Variants in IGF1R observed in about 807,000 individuals in gnomAD.
The protein encoded by IGF1R is insulin-like growth factor 1 receptor.
In IGF1R, 44 loss-of-function variants were observed where a neutral mutation model predicts 144.6. The observed-to-expected ratio is 0.30, with a 90% CI of 0.24 to 0.39. IGF1R has a LOEUF of 0.39. Among genes scored for constraint, IGF1R ranks in the 10% least tolerant of loss-of-function variants. The probability of loss-of-function intolerance (pLI) is 1.00; values close to 1 mark genes in which losing one functional copy is unlikely to be tolerated. For missense variants in IGF1R, 1,355 were observed against 1,833.7 expected, an observed-to-expected ratio of 0.74 and a Z score of 4.77; for synonymous variants, 795 against 722.8, an observed-to-expected ratio of 1.10 and a Z score of -1.60.
At position 98,960,376 on chromosome 15, in the gene IGF1R, C is replaced by T. The variant is rs958488467; in HGVS notation, c.*2934C>T. The T allele has an allele frequency of 5.6e-5, 13 of 232,872 alleles. No individual in the cohort carries two copies. Among genetic ancestry groups the T allele is most frequent in the African/African-American group, 4.4e-5 (2 of 45,116 alleles). 14.4% of individuals were successfully genotyped at this position (232,872 alleles called of 1,614,324 possible). The stretch of plus-strand genomic sequence containing the variant: ...TAGCCAGGTGGCCCTGTGAGGCCAA[C>T]GAGGGCACCAGAGCACACCTGGGGG... On this transcript the variant is annotated 3_prime_UTR_variant, in exon 21 of 21. Coordinates refer to ENST00000650285, the MANE Select transcript of IGF1R (RefSeq NM_000875.5).
chr15:98,789,131 A>G (rs2056072670), intron 2 of IGF1R, among the ~76,000 whole-genome samples: 1 of 152,190 alleles, frequency 6.6e-6, no homozygotes, highest in Non-Finnish European at 1.5e-5. Context: ...AAAGACAAAC[A>G]TACCTTAAAC....
At chr15:98,758,952 G>A (rs1162902608) in intron 2 of IGF1R, among the ~76,000 whole-genome samples, 1 of 152,226 alleles carries the variant, frequency 6.6e-6, no homozygotes, top group Admixed American at 6.5e-5. Context: ...TCTGAGAGTG[G>A]TGCTGCATCA....
intron 1 of IGF1R, among the ~76,000 whole-genome samples, chr15:98,655,237 C>G (rs189190754): frequency 6.6e-6 from 1 of 152,176 alleles, no homozygotes; most frequent in African/African-American, 2.4e-5. Flanking sequence ...CATACTTCCT[C>G]GGCATGATGT....
chr15:98,951,583 C>T (rs2016775768), intron 20 of IGF1R, among the ~76,000 whole-genome samples: 1 of 152,228 alleles, frequency 6.6e-6, no homozygotes, highest in South Asian at 2.1e-4. Context: ...GGCTTGGAGC[C>T]CTTCTCGCGG....
intron 2 of IGF1R, among the ~76,000 whole-genome samples, chr15:98,800,267 A>G (rs1364335236): frequency 6.6e-6 from 1 of 152,160 alleles, no homozygotes; most frequent in Non-Finnish European, 1.5e-5. Flanking sequence ...TGGATGAAGC[A>G]TGTTGGTTGT....
chr15:98,864,846 G>A lies in IGF1R; in HGVS notation c.641-26479G>A, dbSNP rs926905317. Among the ~76,000 whole-genome samples the A allele has an allele frequency of 2.1e-4, 32 of 152,062 alleles. 1 individual carries two copies. The highest frequency in any genetic ancestry group is 1.2e-3 in the Admixed American group (18 of 15,254). On this transcript the variant is annotated intron_variant, in intron 2 of 20. Transcript: ENST00000650285. ...TCTCATGCTTCTGTTTGATGAAACC[G>A]AATGGCTAAATTTTTTAAATATCAT...
intron 2 of IGF1R, among the ~76,000 whole-genome samples, chr15:98,852,189 C>T (rs1482071279): frequency 6.6e-6 from 1 of 152,234 alleles, no homozygotes; most frequent in African/African-American, 2.4e-5. Flanking sequence ...TGTGAAGCTG[C>T]AAGTCAGCAG....
chr15:98,697,917 T>C (rs1482934888), intron 1 of IGF1R, among the ~76,000 whole-genome samples: 1 of 151,836 alleles, frequency 6.6e-6, no homozygotes, highest in East Asian at 1.9e-4. Context: ...TTTGTATTGT[T>C]AGAGATGGGG....
At chr15:98,765,599 C>T (rs1596283185) in intron 2 of IGF1R, among the ~76,000 whole-genome samples, 1 of 152,084 alleles carries the variant, frequency 6.6e-6, no homozygotes, top group Non-Finnish European at 1.5e-5. Flanking sequence ...GCTGGGATTA[C>T]AGACATAAGC....
At chr15:98,795,353 TAAA>T (rs1264559915) in intron 2 of IGF1R, among the ~76,000 whole-genome samples, 2 of 152,242 alleles carry the variant, frequency 1.3e-5, no homozygotes, top group Non-Finnish European at 2.9e-5. Flanking sequence ...GTTAAAAACT[TAAA>T]AATACACAAA....
Position 98,661,180 on chromosome 15 carries a change from A to G in IGF1R, c.94+11505A>G, listed in dbSNP as rs1453083262. Among the ~76,000 whole-genome samples, 5 of 152,284 alleles carry G rather than the reference A, an allele frequency of 3.3e-5. No homozygotes were observed. In the East Asian group the frequency reaches 9.7e-4, roughly 29 times the overall value. ...TTTGCATTGTTTTCTTGGTGAGGCC[A>G]GTAAGCTTTTGCCTCACTCCTGGGA... On this transcript the variant is annotated intron_variant, in intron 1 of 20. Transcript: ENST00000650285.
At chr15:98,791,915 A>T (rs1015379492) in intron 2 of IGF1R, among the ~76,000 whole-genome samples, 2 of 152,228 alleles carry the variant, frequency 1.3e-5, no homozygotes, top group Non-Finnish European at 2.9e-5. Context: ...AAGTTGGCAG[A>T]GGAGCAATCT....
At chr15:98,650,778 C>G (rs1305417056) in intron 1 of IGF1R, 1 of 521,996 alleles carries the variant, frequency 1.9e-6, no homozygotes, top group Non-Finnish European at 2.5e-6. Flanking sequence ...GTGTCGCCCT[C>G]TCTTCTGCCG....
At chr15:98,713,775 A>C (rs966385552) in intron 2 of IGF1R, among the ~76,000 whole-genome samples, 1 of 151,836 alleles carries the variant, frequency 6.6e-6, no homozygotes, top group Non-Finnish European at 1.5e-5. Context: ...ACTTTCCCAC[A>C]AAAAAAACCC....
rs60426791 is a variant in IGF1R, at chr15:98,830,605, C to CTTTTTTTTTTTTTTTT, written c.641-60718_641-60703dup. Among the ~76,000 whole-genome samples the CTTTTTTTTTTTTTTTT allele has an allele frequency of 1.0e-4, 14 of 135,980 alleles. 1 individual carries two copies. Among genetic ancestry groups the CTTTTTTTTTTTTTTTT allele is most frequent in the African/African-American group, 4.0e-4 (14 of 35,332 alleles). 89.2% of individuals were successfully genotyped at this position (135,980 alleles called of 152,430 possible). Reference sequence around the variant, plus strand: ...CATGGTTCCAACATCTGATCATCATCTTTTTTTTTTTTTTTTTAGATGGAG... The same window carrying CTTTTTTTTTTTTTTTT: ...CATGGTTCCAACATCTGATCATCATCTTTTTTTTTTTTTTTTTTTTTTTTTTTTTTTTTAGATGGAG... On this transcript the variant is annotated intron_variant, in intron 2 of 20. Transcript: ENST00000650285.
At chr15:98,754,164 A>G (rs758968467) in intron 2 of IGF1R, among the ~76,000 whole-genome samples, 3 of 152,176 alleles carry the variant, frequency 2.0e-5, no homozygotes, top group Non-Finnish European at 4.4e-5. Context: ...GGAGGTAACC[A>G]GGTCTCCAAG....
intron 1 of IGF1R, among the ~76,000 whole-genome samples, chr15:98,687,301 G>C (rs984362767): frequency 6.6e-6 from 1 of 152,168 alleles, no homozygotes; most frequent in Non-Finnish European, 1.5e-5. Context: ...GTGAAGGGGC[G>C]AGTCTGCACC....
At chr15:98,906,922 C>G (rs2014760597) in intron 5 of IGF1R, among the ~76,000 whole-genome samples, 1 of 152,234 alleles carries the variant, frequency 6.6e-6, no homozygotes, top group Non-Finnish European at 1.5e-5. Flanking sequence ...CCTCCACCCC[C>G]AGCACTTGTG....
At position 98,786,601 on chromosome 15, in the gene IGF1R, C is replaced by T. The variant is rs867987647; in HGVS notation, c.640+78494C>T. On this transcript the variant is annotated intron_variant, in intron 2 of 20. Transcript: ENST00000650285. ...AAGTATTCTAAGGAACCTGGAAACA[C>T]AGGGGATTTCTCTGTTGCCTCTAAT... 3.3e-5 allele frequency among the ~76,000 whole-genome samples: 5 copies of T among 152,202 alleles called. No individual in the cohort carries two copies. The South Asian group carries it at 1.0e-3, about 31-fold the overall frequency.
Sources: allele counts gnomAD v4.1 joint callset (sites outside exome capture counted in the v4.1 genomes callset), GRCh38; gene constraint gnomAD v4.1.1; transcripts MANE v1.5; gene names NCBI Gene and HGNC (gene_info 2026-07-23, HGNC 2026-07-21).